PCDHAC1: variants seen among roughly 807,000 people sequenced by gnomAD.
PCDHAC1 encodes the protein protocadherin alpha-C1.
Under a neutral mutation model 60.0 loss-of-function variants are expected in PCDHAC1, and 42 were observed. The observed-to-expected ratio is 0.70, with a 90% CI of 0.55 to 0.90. PCDHAC1 has a LOEUF of 0.90. Among genes scored for constraint, PCDHAC1 ranks in the 40% least tolerant of loss-of-function variants. PCDHAC1 has a pLI of 0.00. For missense variants in PCDHAC1, 1,160 were observed against 1,222.3 expected (o/e 0.95, Z 0.76); for synonymous variants, 468 against 499.3 (o/e 0.94, Z 0.84).
chr5:140,940,774 G>T (rs1554213602), intron 1 of PCDHAC1, among the ~76,000 whole-genome samples: 4 of 151,994 alleles, frequency 2.6e-5, no homozygotes, highest in African/African-American at 7.3e-5. Context: ...GACTTTTGAT[G>T]GTCCATATCC....
chr5:140,947,938 A>G (rs2094195228), intron 1 of PCDHAC1, among the ~76,000 whole-genome samples: 1 of 151,536 alleles, frequency 6.6e-6, no homozygotes, highest in African/African-American at 2.4e-5. Context: ...CTTATGAGAA[A>G]AGTGTTCCAT....
At chr5:141,007,977 T>A (rs564286183) in intron 3 of PCDHAC1, among the ~76,000 whole-genome samples, 20 of 152,362 alleles carry the variant, frequency 1.3e-4, no homozygotes, top group African/African-American at 4.8e-4. Flanking sequence ...GTCTGTCATG[T>A]ATATATGAAA....
At chr5:140,973,272 TC>T (rs1412629943) in intron 1 of PCDHAC1, among the ~76,000 whole-genome samples, 1 of 152,134 alleles carries the variant, frequency 6.6e-6, no homozygotes, top group African/African-American at 2.4e-5. Flanking sequence ...TACTTTTATT[TC>T]CCCCAGCACT....
chr5:140,934,858 CTT>C (rs1462067711), intron 1 of PCDHAC1, among the ~76,000 whole-genome samples: 1 of 152,136 alleles, frequency 6.6e-6, no homozygotes, highest in African/African-American at 2.4e-5. Flanking sequence ...GCTCCTGAGT[CTT>C]TGTGAGTGTG....
At chr5:140,973,665 T>G (rs1309458037) in intron 1 of PCDHAC1, among the ~76,000 whole-genome samples, 1 of 152,248 alleles carries the variant, frequency 6.6e-6, no homozygotes, top group African/African-American at 2.4e-5. Context: ...CTATTTATTG[T>G]AGCTTGAATG....
rs781982439 is a variant in PCDHAC1, at chr5:140,967,345, C to G, written c.2434-11604C>G. 3 of 1,607,752 alleles carry G rather than the reference C, an allele frequency of 1.9e-6. No homozygotes were observed. The South Asian group carries it at 3.3e-5, about 18-fold the overall frequency. On this transcript the variant is annotated intron_variant, in intron 1 of 3. Coordinates refer to ENST00000253807, the MANE Select transcript of PCDHAC1 (RefSeq NM_018898.5). ...ACGAGCTCAGCCCCAGCGAGCACTT[C>G]GAGCTGGACCTTAAGCCCCTGCAGG...
intron 1 of PCDHAC1, among the ~76,000 whole-genome samples, chr5:140,945,198 C>T (rs1563212846): frequency 6.6e-6 from 1 of 151,982 alleles, no homozygotes; most frequent in Non-Finnish European, 1.5e-5. Flanking sequence ...ATGCTATTTA[C>T]AATAGCTATG....
intron 1 of PCDHAC1, among the ~76,000 whole-genome samples, chr5:140,932,861 G>A (rs1554209099): frequency 6.6e-6 from 1 of 151,858 alleles, no homozygotes; most frequent in Non-Finnish European, 1.5e-5. Flanking sequence ...ATGACTTATT[G>A]TCTTTTGTTG....
At position 140,998,145 on chromosome 5, in the gene PCDHAC1, A is replaced by G. The variant is rs115385085; in HGVS notation, c.2582-11482A>G. ...GAATCATAATAGCTAACCTGTACTG[A>G]ACAGTTAAGCCATGTGCCAAGTATT... On this transcript the variant is annotated intron_variant, in intron 3 of 3. Transcript: ENST00000253807. 2.1e-3 allele frequency among the ~76,000 whole-genome samples: 325 copies of G among 152,342 alleles called. 2 individuals carry two copies. Among genetic ancestry groups the G allele is most frequent in the African/African-American group, 7.1e-3 (294 of 41,566 alleles).
chr5:141,003,343 GCT>G (rs1554259027), intron 3 of PCDHAC1, among the ~76,000 whole-genome samples: 1 of 152,198 alleles, frequency 6.6e-6, no homozygotes, highest in Non-Finnish European at 1.5e-5. Context: ...TTGTTTGTTT[GCT>G]CTGTCACCCA....
intron 1 of PCDHAC1, among the ~76,000 whole-genome samples, chr5:140,941,191 T>TTTTC (rs1217097209): frequency 2.1e-5 from 2 of 93,206 alleles, no homozygotes; most frequent in African/African-American, 7.9e-5. Flanking sequence ...GCTTCTTTTT[T>TTTTC]TTTCTTTCTT....
chr5:140,985,096 C>A (rs1486346952), intron 3 of PCDHAC1, among the ~76,000 whole-genome samples: 1 of 152,096 alleles, frequency 6.6e-6, no homozygotes, highest in Non-Finnish European at 1.5e-5. Context: ...TGCCACCAAG[C>A]CTGGCTAATT....
In PCDHAC1 at chr5:140,979,026, A is replaced by AT. The variant is rs2096832382; in HGVS notation, c.2492+21dup. On this transcript the variant is annotated intron_variant, in intron 2 of 3. Coordinates refer to ENST00000253807, the MANE Select transcript of PCDHAC1 (RefSeq NM_018898.5). ...TGCACAGGTATGTATTTCCCTCCTC[A>AT]TTCACTCAGAAGTAACCTTAACTTG... 1 of 1,613,372 alleles carries AT rather than the reference A, an allele frequency of 6.2e-7. No homozygotes were observed. The highest frequency in any genetic ancestry group is 1.3e-5 in the African/African-American group (1 of 74,882).
chr5:140,944,097 A>G lies in PCDHAC1; in HGVS notation c.2433+14772A>G, dbSNP rs2093609741. On this transcript the variant is annotated intron_variant, in intron 1 of 3. Coordinates refer to ENST00000253807, the MANE Select transcript of PCDHAC1 (RefSeq NM_018898.5). ...ATAAAGGAGGCCTGAGTAAGTTTAT[A>G]TCTCATGGGAAAATGGTACCAGAGA... is the stretch of plus-strand genomic sequence containing the variant. Among the ~76,000 whole-genome samples, 3 of 152,244 alleles carry G rather than the reference A, an allele frequency of 2.0e-5. No individual in the cohort carries two copies. In the South Asian group the frequency reaches 6.2e-4, roughly 31 times the overall value.
intron 3 of PCDHAC1, among the ~76,000 whole-genome samples, chr5:140,993,452 T>C (rs1218728585): frequency 1.5e-5 from 2 of 135,256 alleles, no homozygotes; most frequent in Non-Finnish European, 3.1e-5. Flanking sequence ...CTGTTCTCCT[T>C]CTTTCTTTCT....
intron 3 of PCDHAC1, among the ~76,000 whole-genome samples, chr5:140,999,070 T>A (rs930538088): frequency 6.1e-4 from 93 of 152,328 alleles, no homozygotes; most frequent in African/African-American, 2.1e-3. Context: ...GTAGTCTCCT[T>A]CACTTCCTCC....
intron 1 of PCDHAC1, among the ~76,000 whole-genome samples, chr5:140,939,224 C>T (rs761211778): frequency 8.5e-5 from 13 of 152,130 alleles, no homozygotes; most frequent in Admixed American, 4.6e-4. Context: ...TGTCTCTTCA[C>T]CTTCTGGAAG....
chr5:140,976,691 C>T (rs1219355793), intron 1 of PCDHAC1, among the ~76,000 whole-genome samples: 1 of 152,126 alleles, frequency 6.6e-6, no homozygotes, highest in Non-Finnish European at 1.5e-5. Context: ...AATTTAAGTA[C>T]AATAATGTTG....
intron 1 of PCDHAC1, among the ~76,000 whole-genome samples, chr5:140,950,301 T>G (rs1467140584): frequency 6.6e-6 from 1 of 152,076 alleles, no homozygotes; most frequent in Non-Finnish European, 1.5e-5. Context: ...AAACTTTACT[T>G]AGCAGTTTTT....
Sources: gnomAD v4.1 joint callset for allele counts (sites outside exome capture counted in the v4.1 genomes callset) on GRCh38, gnomAD v4.1.1 for gene constraint, MANE v1.5 for transcripts, NCBI Gene and HGNC (gene_info 2026-07-23, HGNC 2026-07-21) for gene names.